Variants in EXOC4 observed in about 807,000 individuals in gnomAD.
The protein encoded by EXOC4 is SEC8-like 1.
A neutral mutation model predicts 107.2 loss-of-function variants in EXOC4; 71 were observed. The ratio of observed to expected loss-of-function variants is 0.66; its 90% CI spans 0.55 to 0.81. The LOEUF (loss-of-function observed/expected upper bound fraction) is 0.81. Among genes scored for constraint, EXOC4 ranks in the 30% least tolerant of loss-of-function variants. The pLI is 0.00. For synonymous variants in EXOC4, 456 were observed against 441.2 expected (o/e 1.03, Z -0.42); for missense variants, 1,108 against 1,189.6 (o/e 0.93, Z 1.01).
At chr7:133,681,906 A>G (rs187492049) in intron 10 of EXOC4, among the ~76,000 whole-genome samples, 1 of 151,918 alleles carries the variant, frequency 6.6e-6, no homozygotes, top group Admixed American at 6.6e-5. Flanking sequence ...GGTAGCCATT[A>G]TTATTATTAT....
intron 9 of EXOC4, among the ~76,000 whole-genome samples, chr7:133,490,368 G>A (rs1799349377): frequency 6.6e-6 from 1 of 152,160 alleles, no homozygotes; most frequent in Non-Finnish European, 1.5e-5. Context: ...TTGTGTGTAT[G>A]TATATAGACA....
rs371231822 is a variant in EXOC4, at chr7:133,304,973, C to T, written c.472-904C>T. 3.3e-3 allele frequency among the ~76,000 whole-genome samples: 496 copies of T among 152,064 alleles called. 4 individuals are homozygous for T. The highest frequency in any genetic ancestry group is 0.011 in the African/African-American group (477 of 41,488). On this transcript the variant is annotated intron_variant, in intron 3 of 17. Coordinates refer to ENST00000253861, the MANE Select transcript of EXOC4 (RefSeq NM_021807.4). ...CAAAGAATAGCACCTAGAGTATGCT[C>T]TTTAAGTTTTCTTTGAAAAGATACA...
intron 10 of EXOC4, among the ~76,000 whole-genome samples, chr7:133,637,016 G>A (rs975570136): frequency 6.6e-6 from 1 of 152,180 alleles, no homozygotes; most frequent in Non-Finnish European, 1.5e-5. Flanking sequence ...CCATATTGCA[G>A]CAGTACAGGG....
intron 10 of EXOC4, among the ~76,000 whole-genome samples, chr7:133,693,285 G>A (rs553347234): frequency 1.3e-5 from 2 of 152,302 alleles, no homozygotes; most frequent in South Asian, 2.1e-4. Flanking sequence ...CTTGGAATCT[G>A]ATGTTAGAGG....
At chr7:133,373,681 G>A (rs932160061) in intron 6 of EXOC4, among the ~76,000 whole-genome samples, 2 of 152,086 alleles carry the variant, frequency 1.3e-5, no homozygotes, top group African/African-American at 4.8e-5. Flanking sequence ...TTTCCAAGTT[G>A]GTTTATCAGT....
At position 133,983,427 on chromosome 7, in the gene EXOC4, G is replaced by A. The variant is rs1794041287; in HGVS notation, c.2207-14065G>A. 1.3e-5 allele frequency among the ~76,000 whole-genome samples: 2 copies of A among 152,178 alleles called. 1 individual carries two copies. The highest frequency in any genetic ancestry group is 2.9e-5 in the Non-Finnish European group (2 of 68,026). ...CAACTGGAAAAAGTTAAGTTGAAGA[G>A]GAACTCCATATGGGACTTCCAATTC... is the stretch of plus-strand genomic sequence containing the variant. On this transcript the variant is annotated intron_variant, in intron 14 of 17. Coordinates refer to ENST00000253861, the MANE Select transcript of EXOC4 (RefSeq NM_021807.4).
intron 4 of EXOC4, among the ~76,000 whole-genome samples, chr7:133,314,707 G>A (rs1214872822): frequency 2.6e-5 from 4 of 152,162 alleles, no homozygotes; most frequent in African/African-American, 9.7e-5. Context: ...CACACACATA[G>A]TAACAACTGT....
chr7:133,988,264 C>G (rs930285162), intron 14 of EXOC4, among the ~76,000 whole-genome samples: 2 of 152,110 alleles, frequency 1.3e-5, no homozygotes, highest in Admixed American at 1.3e-4. Context: ...TCCTGAATCC[C>G]CAGAAACAGG....
intron 9 of EXOC4, among the ~76,000 whole-genome samples, chr7:133,524,608 G>T (rs1208444741): frequency 6.7e-6 from 1 of 149,888 alleles, no homozygotes; most frequent in African/African-American, 2.5e-5. Context: ...ATCTTGAATT[G>T]ATTTTTGTAT....
intron 17 of EXOC4, among the ~76,000 whole-genome samples, chr7:134,044,789 C>G (rs1177058687): frequency 6.6e-6 from 1 of 152,256 alleles, no homozygotes; most frequent in African/African-American, 2.4e-5. Flanking sequence ...TCACATAGCA[C>G]TTTACAATCG....
intron 9 of EXOC4, among the ~76,000 whole-genome samples, chr7:133,495,241 A>G (rs1275746451): frequency 6.6e-6 from 1 of 151,972 alleles, no homozygotes; most frequent in East Asian, 1.9e-4. Flanking sequence ...GACAAGAGCG[A>G]AACTGTCTCC....
At chr7:133,434,490 T>A (rs2150780532) in intron 7 of EXOC4, among the ~76,000 whole-genome samples, 1 of 152,332 alleles carries the variant, frequency 6.6e-6, no homozygotes, top group East Asian at 1.9e-4. Context: ...TCTCTTTCTG[T>A]TACTACAAAC....
chr7:133,566,202 T>G (rs984117644), intron 9 of EXOC4, among the ~76,000 whole-genome samples: 1 of 152,306 alleles, frequency 6.6e-6, no homozygotes, highest in African/African-American at 2.4e-5. Context: ...GAATTATTTT[T>G]GGGGTTAGGA....
At chr7:133,688,084 C>G (rs1794344165) in intron 10 of EXOC4, among the ~76,000 whole-genome samples, 1 of 152,072 alleles carries the variant, frequency 6.6e-6, no homozygotes, top group Non-Finnish European at 1.5e-5. Flanking sequence ...TGCCATTGAA[C>G]TCAGAGTTAA....
intron 14 of EXOC4, among the ~76,000 whole-genome samples, chr7:133,973,377 T>G (rs1172055356): frequency 1.3e-5 from 2 of 152,154 alleles, no homozygotes; most frequent in Non-Finnish European, 2.9e-5. Context: ...AGAGGGGTTA[T>G]TTATTATGTT....
At chr7:133,955,334 G>A (rs937363789) in intron 14 of EXOC4, among the ~76,000 whole-genome samples, 7 of 152,194 alleles carry the variant, frequency 4.6e-5, no homozygotes, top group Admixed American at 2.0e-4. Context: ...GCATAGAGGA[G>A]ACCCTGTGGT....
chr7:133,771,128 T>G (rs961821494), intron 10 of EXOC4, among the ~76,000 whole-genome samples: 3 of 151,894 alleles, frequency 2.0e-5, no homozygotes, highest in Non-Finnish European at 2.9e-5. Flanking sequence ...GCCAAAGATA[T>G]AGACTTATAG....
chr7:133,325,112 G>A (rs1191762033), intron 5 of EXOC4, among the ~76,000 whole-genome samples: 4 of 152,094 alleles, frequency 2.6e-5, no homozygotes, highest in Non-Finnish European at 5.9e-5. Context: ...GTCTCTGCAC[G>A]TGAGATGGGT....
chr7:133,527,299 G>A (rs1800098871), intron 9 of EXOC4, among the ~76,000 whole-genome samples: 1 of 152,006 alleles, frequency 6.6e-6, no homozygotes, highest in Non-Finnish European at 1.5e-5. Context: ...AGCTACTTGG[G>A]AGGCTGAGGC....
Sources: allele counts gnomAD v4.1 joint callset (sites outside exome capture counted in the v4.1 genomes callset), GRCh38; gene constraint gnomAD v4.1.1; transcripts MANE v1.5; gene names NCBI Gene and HGNC (gene_info 2026-07-23, HGNC 2026-07-21).